The following NAT2 variants were observed in gnomAD, a reference collection of about 807,000 sequenced individuals.
NAT2 encodes N-acetyltransferase 2, also known as arylamine N-acetyltransferase 2.
For missense variants in NAT2, 428 were observed against 339.1 expected (o/e 1.26, Z -2.06); for synonymous variants, 137 against 125.9 (o/e 1.09, Z -0.59).
At chr8:18,392,537 G>T (rs913740821) in intron 1 of NAT2, among the ~76,000 whole-genome samples, 15 of 152,174 alleles carry the variant, frequency 9.9e-5, no homozygotes, top group Admixed American at 3.3e-4. Context: ...GGCTGTGCTG[G>T]CAGCTGATTA....
Position 18,400,366 on chromosome 8 carries a change from C to T in NAT2, c.363C>T (p.Val121=), listed in dbSNP as rs372383623. Residue 121 remains valine (V), a synonymous_variant, in exon 2 of 2, where the codon GTC becomes GTT. Coordinates refer to ENST00000286479, the MANE Select transcript of NAT2 (RefSeq NM_000015.3). Reference sequence around the variant, plus strand: ...CCATTGACGGCAGGAATTACATTGTCGATGCTGGGTCTGGAAGCTCCTCCC... The same window carrying T: ...CCATTGACGGCAGGAATTACATTGTTGATGCTGGGTCTGGAAGCTCCTCCC... ...QVTIDGRNYI[V]DAGSGSSSQM... 2.4e-5 allele frequency: 39 copies of T among 1,612,208 alleles called. No individual in the cohort carries two copies. The highest frequency in any genetic ancestry group is 1.7e-4 in the African/African-American group (13 of 74,778).
intron 1 of NAT2, among the ~76,000 whole-genome samples, chr8:18,392,695 C>T (rs1800610431): frequency 6.6e-6 from 1 of 152,162 alleles, no homozygotes; most frequent in Non-Finnish European, 1.5e-5. Context: ...CAATATTAAC[C>T]ACCACACTTG....
At chr8:18,391,184 C>T (rs1351781579), upstream of NAT2, 2 of 152,176 alleles carry the variant, frequency 1.3e-5, no homozygotes, top group East Asian at 3.9e-4. Context: ...AACTACATTT[C>T]CCAGAGATCC....
intron 1 of NAT2, among the ~76,000 whole-genome samples, chr8:18,394,676 C>T (rs778076335): frequency 1.3e-5 from 2 of 152,080 alleles, no homozygotes; most frequent in African/African-American, 2.4e-5. Context: ...TGTAAAGGAA[C>T]CTGTAAAGGA....
At chr8:18,397,858 C>T (rs1005959180) in intron 1 of NAT2, among the ~76,000 whole-genome samples, 4 of 152,012 alleles carry the variant, frequency 2.6e-5, no homozygotes. Context: ...TTTTTGTTGG[C>T]TCTGGCAAAT....
At chr8:18,393,977 G>A (rs1273780350) in intron 1 of NAT2, among the ~76,000 whole-genome samples, 2 of 152,204 alleles carry the variant, frequency 1.3e-5, no homozygotes. Flanking sequence ...CCACCAAACA[G>A]ACTCTGTGTG....
At position 18,398,760 on chromosome 8, in the gene NAT2, A is replaced by G. The variant is rs1165096689; in HGVS notation, c.-6-1238A>G. ...AGCTTCTAGCCTTGCAGCATAATAC[A>G]TGTGCTTAGATTTCAGCAAAAATGC... On this transcript the variant is annotated intron_variant, in intron 1 of 1. Transcript: ENST00000286479. Among the ~76,000 whole-genome samples the G allele has an allele frequency of 2.0e-5, 3 of 152,074 alleles. No individual in the cohort carries two copies. In the East Asian group the frequency reaches 5.8e-4, roughly 29 times the overall value.
intron 1 of NAT2, among the ~76,000 whole-genome samples, chr8:18,399,519 C>G (rs191588335): frequency 6.6e-6 from 1 of 152,098 alleles, no homozygotes; most frequent in African/African-American, 2.4e-5. Flanking sequence ...ATGAATTAAT[C>G]AATATATTTT....
chr8:18,396,279 T>G (rs2117616852), intron 1 of NAT2, among the ~76,000 whole-genome samples: 1 of 152,298 alleles, frequency 6.6e-6, no homozygotes, highest in East Asian at 1.9e-4. Flanking sequence ...TAAGGTTTAA[T>G]TTATGCAAAA....
At chr8:18,397,658 T>G (rs1033339973) in intron 1 of NAT2, among the ~76,000 whole-genome samples, 1 of 152,142 alleles carries the variant, frequency 6.6e-6, no homozygotes, top group East Asian at 1.9e-4. Context: ...AAACATTGGT[T>G]AGAGCAATAA....
chr8:18,395,726 G>C (rs1256620340), intron 1 of NAT2, among the ~76,000 whole-genome samples: 1 of 152,034 alleles, frequency 6.6e-6, no homozygotes, highest in African/African-American at 2.4e-5. Context: ...GAGAGATTTG[G>C]GTTACGGGTA....
At chr8:18,390,025 T>G (rs1763264205), upstream of NAT2, among the ~76,000 whole-genome samples, 1 of 152,234 alleles carries the variant, frequency 6.6e-6, no homozygotes, top group Non-Finnish European at 1.5e-5. Flanking sequence ...ATAATCCCAG[T>G]AGACAACACC....
chr8:18,395,262 C>T (rs1039134283), intron 1 of NAT2, among the ~76,000 whole-genome samples: 8 of 152,160 alleles, frequency 5.3e-5, no homozygotes, highest in South Asian at 2.1e-4. Flanking sequence ...TTGCAAACCA[C>T]CTTTTTAAAA....
At chr8:18,386,693 G>C (rs79583887), upstream of NAT2, among the ~76,000 whole-genome samples, 585 of 152,222 alleles carry the variant, frequency 3.8e-3, 2 homozygotes, top group East Asian at 0.02. Context: ...AGAAGGGCCA[G>C]TGATTGTCTC....
upstream of NAT2, among the ~76,000 whole-genome samples, chr8:18,390,584 T>C (rs961953771): frequency 2.0e-5 from 3 of 152,038 alleles, no homozygotes; most frequent in Non-Finnish European, 4.4e-5. Context: ...TTATATACAA[T>C]GTTTATATTT....
In NAT2 at chr8:18,400,312, T is replaced by C. The variant is rs1371366268; in HGVS notation, c.309T>C (p.Thr103=). The C allele has an allele frequency of 6.2e-7, 1 of 1,613,744 alleles. No homozygotes were observed. The highest frequency in any genetic ancestry group is 8.5e-7 in the Non-Finnish European group (1 of 1,179,918). The change falls in exon 2 of 2, where the codon ACT becomes ACC. Residue 103 remains threonine (T), a synonymous_variant. Transcript: ENST00000286479. ...TCCCTCCAGTTAACAAATACAGCACTGGCATGGTTCACCTTCTCCTGCAGG... is the reference window on the plus strand; with the variant it reads ...TCCCTCCAGTTAACAAATACAGCACCGGCATGGTTCACCTTCTCCTGCAGG... ...FYIPPVNKYS[T]GMVHLLLQVT... is the part of the protein sequence containing the mutation.
At chr8:18,399,963 A>G (rs770754029) in intron 1 of NAT2, 35 bp from the exon 2 acceptor site, 1 of 1,524,404 alleles carries the variant, frequency 6.6e-7, no homozygotes, top group Non-Finnish European at 8.8e-7. Context: ...ATGCTAAAGT[A>G]TGATATGTTT....
intron 1 of NAT2, among the ~76,000 whole-genome samples, chr8:18,393,115 A>G (rs934015146): frequency 6.6e-5 from 10 of 151,942 alleles, no homozygotes; most frequent in African/African-American, 2.4e-4. Context: ...AAATATGTCA[A>G]AGAAATATAT....
chr8:18,394,061 G>A (rs1183900307), intron 1 of NAT2, among the ~76,000 whole-genome samples: 2 of 152,160 alleles, frequency 1.3e-5, no homozygotes, highest in African/African-American at 2.4e-5. Context: ...AGGGAGATAA[G>A]GGTGGGGCCA....
Sources: gnomAD v4.1 joint callset for allele counts (sites outside exome capture counted in the v4.1 genomes callset) on GRCh38, gnomAD v4.1.1 for gene constraint, MANE v1.5 for transcripts, NCBI Gene and HGNC (gene_info 2026-07-23, HGNC 2026-07-21) for gene names.